Variants in DLG2 observed in about 807,000 individuals in gnomAD.
DLG2 encodes the protein discs large MAGUK scaffold protein 2.
Under a neutral mutation model 132.5 loss-of-function variants are expected in DLG2, and 45 were observed. The ratio of observed to expected loss-of-function variants is 0.34; its 90% CI spans 0.27 to 0.44. The LOEUF (loss-of-function observed/expected upper bound fraction) is 0.44. DLG2 is among the 20% of genes least tolerant of loss of function. The pLI is 1.00. For synonymous variants in DLG2, 424 were observed against 419.6 expected (o/e 1.01, Z -0.13); for missense variants, 1,045 against 1,196.9 (o/e 0.87, Z 1.87).
intron 11 of DLG2, among the ~76,000 whole-genome samples, chr11:84,047,459 T>A (rs1230860175): frequency 6.6e-6 from 1 of 151,564 alleles, no homozygotes; most frequent in Non-Finnish European, 1.5e-5. Context: ...GCCATAAATT[T>A]AAAAAATTTA....
chr11:85,601,278 G>A (rs1237265110), intron 2 of DLG2, among the ~76,000 whole-genome samples: 1 of 151,928 alleles, frequency 6.6e-6, no homozygotes, highest in African/African-American at 2.4e-5. Context: ...AAAGTGCTGG[G>A]ATTACAGGCA....
At chr11:84,794,429 G>A (rs1195811062) in intron 6 of DLG2, among the ~76,000 whole-genome samples, 2 of 152,166 alleles carry the variant, frequency 1.3e-5, no homozygotes, top group Admixed American at 1.3e-4. Flanking sequence ...ACAGGCAGAA[G>A]ACCCAACTCC....
intron 6 of DLG2, among the ~76,000 whole-genome samples, chr11:84,712,767 G>A (rs1001265665): frequency 2.6e-5 from 4 of 152,106 alleles, no homozygotes; most frequent in South Asian, 4.1e-4. Flanking sequence ...GTCCTGAAAG[G>A]AGGGTGTTAT....
intron 3 of DLG2, chr11:85,336,526 T>C: frequency 6.2e-6 from 1 of 160,038 alleles, no homozygotes; most frequent in South Asian, 1.7e-4. Context: ...GCTGTGTTGT[T>C]CCTCCCTCTC....
At chr11:84,737,085 A>T (rs2063934432) in intron 6 of DLG2, among the ~76,000 whole-genome samples, 1 of 151,820 alleles carries the variant, frequency 6.6e-6, no homozygotes, top group South Asian at 2.1e-4. Flanking sequence ...TTTTGTTTTT[A>T]GTTAGGAATA....
intron 17 of DLG2, among the ~76,000 whole-genome samples, chr11:83,797,770 G>A (rs1473401004): frequency 2.6e-5 from 4 of 152,076 alleles, no homozygotes; most frequent in African/African-American, 4.8e-5. Context: ...CGCCCGCCTC[G>A]GCCTCCCAAA....
intron 15 of DLG2, among the ~76,000 whole-genome samples, chr11:83,880,256 G>A (rs535210466): frequency 6.6e-6 from 1 of 152,296 alleles, no homozygotes; most frequent in South Asian, 2.1e-4. Flanking sequence ...AAGTAAACCT[G>A]AAACTATTCT....
intron 17 of DLG2, among the ~76,000 whole-genome samples, chr11:83,797,199 G>C (rs549352931): frequency 3.4e-4 from 51 of 151,632 alleles, no homozygotes; most frequent in African/African-American, 1.2e-3. Context: ...GAACAAATGT[G>C]AGAAAGAAGT....
rs949748173 is a variant in DLG2, at chr11:84,891,529, G to T, written c.357+220132C>A. Among the ~76,000 whole-genome samples the T allele has an allele frequency of 5.9e-5, 9 of 152,142 alleles. 1 individual carries two copies. The highest frequency in any genetic ancestry group is 3.9e-4 in the Admixed American group (6 of 15,266). On this transcript the variant is annotated intron_variant, in intron 6 of 27. Transcript: ENST00000376104. ...TGGAAAAATATGACAGGAAATTAAT[G>T]AATGAAGAGGGTTTCATCAGGATAA...
At chr11:85,392,285 A>G (rs1259809141) in intron 3 of DLG2, among the ~76,000 whole-genome samples, 1 of 152,138 alleles carries the variant, frequency 6.6e-6, no homozygotes. Flanking sequence ...AAGAAATCAT[A>G]TATGACACAA....
At chr11:83,472,053 G>GA (rs2092102031) in intron 23 of DLG2, among the ~76,000 whole-genome samples, 1 of 152,006 alleles carries the variant, frequency 6.6e-6, no homozygotes, top group Non-Finnish European at 1.5e-5. Flanking sequence ...CTGAGTGGGA[G>GA]AAAAAAGAAT....
chr11:85,441,781 A>G (rs1157439779), intron 3 of DLG2, among the ~76,000 whole-genome samples: 1 of 152,206 alleles, frequency 6.6e-6, no homozygotes, highest in Non-Finnish European at 1.5e-5. Flanking sequence ...GGATATAAAA[A>G]TGAATGACAG....
At chr11:85,131,878 T>A (rs2075741041) in intron 5 of DLG2, among the ~76,000 whole-genome samples, 1 of 152,192 alleles carries the variant, frequency 6.6e-6, no homozygotes, top group South Asian at 2.1e-4. Flanking sequence ...TTTGTTATGT[T>A]TAATAGTCAT....
intron 7 of DLG2, among the ~76,000 whole-genome samples, chr11:84,294,721 T>C (rs1247252706): frequency 6.6e-6 from 1 of 152,216 alleles, no homozygotes; most frequent in Non-Finnish European, 1.5e-5. Context: ...AACGTTATCT[T>C]CTGTGTTAGG....
intron 11 of DLG2, among the ~76,000 whole-genome samples, chr11:84,014,313 G>A (rs893838707): frequency 6.6e-6 from 1 of 152,120 alleles, no homozygotes; most frequent in African/African-American, 2.4e-5. Flanking sequence ...ATTATGAAAG[G>A]TTGAGGAGAA....
chr11:85,020,926 C>T (rs1394312354), intron 6 of DLG2: 6 of 770,824 alleles, frequency 7.8e-6, no homozygotes, highest in Admixed American at 1.7e-5. Context: ...TCATCTGCAC[C>T]GCCCTCAGAC....
intron 6 of DLG2, among the ~76,000 whole-genome samples, chr11:84,665,874 C>A (rs2099699279): frequency 6.6e-6 from 1 of 152,090 alleles, no homozygotes; most frequent in African/African-American, 2.4e-5. Flanking sequence ...GTTCCTTAAA[C>A]CCAAGTAAAA....
chr11:83,480,815 T>G (rs1256196551), intron 22 of DLG2, among the ~76,000 whole-genome samples: 3 of 152,248 alleles, frequency 2.0e-5, no homozygotes, highest in African/African-American at 7.2e-5. Context: ...AGGCAGTGTT[T>G]TCTTGCAGGC....
intron 18 of DLG2, chr11:83,647,985 G>T (rs2068768859): frequency 6.6e-6 from 1 of 152,132 alleles, no homozygotes; most frequent in Non-Finnish European, 1.5e-5. Context: ...AGATAAGCTA[G>T]AATTTATTTA....
Sources: gnomAD v4.1 joint callset for allele counts (sites outside exome capture counted in the v4.1 genomes callset) on GRCh38, gnomAD v4.1.1 for gene constraint, MANE v1.5 for transcripts, NCBI Gene and HGNC (gene_info 2026-07-23, HGNC 2026-07-21) for gene names.